MAP2K6: variants seen among roughly 807,000 people sequenced by gnomAD.
MAP2K6 encodes dual specificity mitogen-activated protein kinase kinase 6.
Under a neutral mutation model 53.7 loss-of-function variants are expected in MAP2K6, and 16 were observed. The ratio of observed to expected loss-of-function variants is 0.30; its 90% CI spans 0.20 to 0.45. MAP2K6 has a LOEUF of 0.45. Among genes scored for constraint, MAP2K6 ranks in the 20% least tolerant of loss-of-function variants. MAP2K6 has a pLI of 1.00. For synonymous variants in MAP2K6, 132 were observed against 143.1 expected (o/e 0.92, Z 0.55); for missense variants, 204 against 411.9 (o/e 0.50, Z 4.37).
rs1201197651 is a variant in MAP2K6 at position 69,551,761 on chromosome 17, AT to A, written c.*10015del. On this transcript the variant is annotated 3_prime_UTR_variant, in exon 12 of 12. Transcript: ENST00000590474. ...TAATAGGTATTTTTAGAGGAAAAGT[AT>A]TTTTTTGTGTAATTTGCTTACACAA... The A allele has an allele frequency of 6.6e-6, 1 of 152,180 alleles. No homozygotes were observed. The highest frequency in any genetic ancestry group is 1.5e-5 in the Non-Finnish European group (1 of 68,024). The allele number at this position is 152,180 out of a possible 1,614,324, so 9.4% of individuals were successfully genotyped here.
chr17:69,424,135 C>T (rs1052880037), intron 1 of MAP2K6, among the ~76,000 whole-genome samples: 4 of 152,166 alleles, frequency 2.6e-5, no homozygotes, highest in Non-Finnish European at 4.4e-5. Flanking sequence ...CCCCTAACCC[C>T]GGGTGGGCAA....
intron 4 of MAP2K6, 77 bp downstream of exon 4, chr17:69,517,690 T>A: frequency 1.1e-6 from 1 of 939,174 alleles, no homozygotes; most frequent in East Asian, 2.9e-5. Context: ...ACCAGCCCTT[T>A]TAATAGAAGC....
chr17:69,481,396 A>G (rs1045613182), intron 1 of MAP2K6, among the ~76,000 whole-genome samples: 11 of 152,100 alleles, frequency 7.2e-5, no homozygotes, highest in African/African-American at 2.7e-4. Flanking sequence ...TTGTGTATCT[A>G]TTTATCTGTC....
In MAP2K6 at chr17:69,546,213, GTTATTA is replaced by G. The variant is rs1258330993; in HGVS notation, c.*4464_*4469del. 1.3e-5 allele frequency: 2 copies of G among 151,974 alleles called. No individual in the cohort carries two copies. The highest frequency in any genetic ancestry group is 2.9e-5 in the Non-Finnish European group (2 of 67,988). 9.4% of individuals were successfully genotyped at this position (151,974 alleles called of 1,614,324 possible). A position where few individuals can be genotyped will look rare whatever the true frequency, so the allele number is the denominator to read the frequency against. On this transcript the variant is annotated 3_prime_UTR_variant, in exon 12 of 12. Transcript: ENST00000590474. ...TCCACATTATTTCACTCTTTGTTTT[GTTATTA>G]TTAGTATTCTTCTTGCTTGCCATTG...
At position 69,534,052 on chromosome 17, in the gene MAP2K6, G is replaced by A. The variant is rs113812097; in HGVS notation, c.882-2063G>A. 3.3e-3 allele frequency among the ~76,000 whole-genome samples: 508 copies of A among 152,182 alleles called. 2 individuals are homozygous for A. Among genetic ancestry groups the A allele is most frequent in the African/African-American group, 0.011 (477 of 41,524 alleles). ...TGGGCTAGAGTGTTCTTTGTTGTGC[G>A]GGATTGCCCAGTGCATTACAGGATG... is the stretch of plus-strand genomic sequence containing the variant. On this transcript the variant is annotated intron_variant, in intron 10 of 11. Coordinates refer to ENST00000590474, the MANE Select transcript of MAP2K6 (RefSeq NM_002758.4).
In MAP2K6 at chr17:69,508,112, C is replaced by A. The variant is rs556379778; in HGVS notation, c.83+2266C>A. 2.3e-3 allele frequency among the ~76,000 whole-genome samples: 265 copies of A among 116,566 alleles called. 1 individual carries two copies. The Middle Eastern group carries it at 0.029, about 13-fold the overall frequency. The allele number at this position is 116,566 out of a possible 152,430, so 76.5% of individuals were successfully genotyped here. On this transcript the variant is annotated intron_variant, in intron 2 of 11. Transcript: ENST00000590474. ...TGTTGCCCAGGCTGCAGTGCAATGG[C>A]GTGATCTCGGCTCACTGCAACCTCT...
chr17:69,516,096 T>G (rs1481845076), intron 2 of MAP2K6, among the ~76,000 whole-genome samples: 1 of 152,076 alleles, frequency 6.6e-6, no homozygotes, highest in African/African-American at 2.4e-5. Flanking sequence ...TTCGGGATGA[T>G]TCAAGCACAT....
At chr17:69,475,322 A>T (rs925628190) in intron 1 of MAP2K6, among the ~76,000 whole-genome samples, 1 of 146,304 alleles carries the variant, frequency 6.8e-6, no homozygotes, top group South Asian at 2.2e-4. Context: ...GCGCCCGCCA[A>T]CACGCCCGGC....
intron 1 of MAP2K6, 50 bp from the exon 2 acceptor site, chr17:69,505,730 A>G (rs564248334): frequency 7.6e-6 from 11 of 1,444,114 alleles, no homozygotes; most frequent in Non-Finnish European, 7.8e-6. Context: ...TTTCTCTGCT[A>G]TCTTGCTATG....
In MAP2K6 at chr17:69,544,732, A is replaced by G. The variant is rs911482952; in HGVS notation, c.*2979A>G. 6.6e-6 allele frequency: 1 copy of G among 152,230 alleles called. No homozygotes were observed. The highest frequency in any genetic ancestry group is 1.5e-5 in the Non-Finnish European group (1 of 68,034). 9.4% of individuals were successfully genotyped at this position (152,230 alleles called of 1,614,324 possible). ...TTGGTTTAAGAGGTGTGCCAAAAAA[A>G]GTAATATGCATAACTTTTAAGACTA... On this transcript the variant is annotated 3_prime_UTR_variant, in exon 12 of 12. Coordinates refer to ENST00000590474, the MANE Select transcript of MAP2K6 (RefSeq NM_002758.4).
chr17:69,468,694 C>T (rs1201871230), intron 1 of MAP2K6, among the ~76,000 whole-genome samples: 1 of 152,166 alleles, frequency 6.6e-6, no homozygotes. Context: ...GGAGAGAATA[C>T]AGTTATGGGT....
Position 69,552,510 on chromosome 17 carries a change from A to G in MAP2K6, c.*10757A>G, listed in dbSNP as rs919420622. 1.3e-5 allele frequency: 2 copies of G among 152,244 alleles called. No homozygotes were observed. Among genetic ancestry groups the G allele is most frequent in the Non-Finnish European group, 2.9e-5 (2 of 68,050 alleles). 9.4% of individuals were successfully genotyped at this position (152,244 alleles called of 1,614,324 possible). ...AATGAGGCAGGCTGAACTGTAGAGC[A>G]TGAAACTCATTAGAAGTTTATAAAG... is the stretch of plus-strand genomic sequence containing the variant. On this transcript the variant is annotated 3_prime_UTR_variant, in exon 12 of 12. Coordinates refer to ENST00000590474, the MANE Select transcript of MAP2K6 (RefSeq NM_002758.4).
intron 10 of MAP2K6, among the ~76,000 whole-genome samples, chr17:69,530,195 G>A (rs1598315230): frequency 6.6e-6 from 1 of 152,046 alleles, no homozygotes; most frequent in East Asian, 1.9e-4. Context: ...TGCACCTGGG[G>A]ACCCAGCTAC....
At chr17:69,505,704 C>G (rs545776943) in intron 1 of MAP2K6, 76 bp from the exon 2 acceptor site, 4 of 1,186,998 alleles carry the variant, frequency 3.4e-6, no homozygotes, top group Admixed American at 1.7e-5. Context: ...TCAGCTCTTT[C>G]CTTTGCCGCA....
Position 69,536,163 on chromosome 17 carries a change from G to A in MAP2K6, c.927+3G>A. 6.2e-7 allele frequency: 1 copy of A among 1,609,884 alleles called. No individual in the cohort carries two copies. Among genetic ancestry groups the A allele is most frequent in the Non-Finnish European group, 8.5e-7 (1 of 1,177,540 alleles). ...GGCCTACATACCCAGAGCTAATGGT[G>A]AGTATTGTTAGCAACGTAAACATGA... is the stretch of plus-strand genomic sequence containing the variant. On this transcript the variant is annotated splice_donor_region_variant and intron_variant, in intron 11 of 11. Transcript: ENST00000590474.
intron 2 of MAP2K6, among the ~76,000 whole-genome samples, chr17:69,509,244 G>A (rs1052873948): frequency 6.6e-6 from 1 of 152,002 alleles, no homozygotes; most frequent in African/African-American, 2.4e-5. Flanking sequence ...TGCAAACATG[G>A]TATATTTCTT....
chr17:69,463,886 G>A (rs909102247), intron 1 of MAP2K6, among the ~76,000 whole-genome samples: 1 of 151,108 alleles, frequency 6.6e-6, no homozygotes, highest in African/African-American at 2.4e-5. Context: ...AGGGATGGTG[G>A]CGTGTGCCTG....
intron 7 of MAP2K6, chr17:69,521,806 C>CAAAAAAAAAAAAAAAAAAAAAAA (rs71293537): frequency 1.3e-5 from 1 of 79,352 alleles, no homozygotes; most frequent in African/African-American, 4.7e-5. Flanking sequence ...GATAAATGTA[C>CAAAAAAAAAAAAAAAAAAAAAAA]AAAAAAAAAA....
chr17:69,418,116 G>A (rs142650796), intron 1 of MAP2K6, among the ~76,000 whole-genome samples: 1 of 152,060 alleles, frequency 6.6e-6, no homozygotes, highest in Non-Finnish European at 1.5e-5. Context: ...TGTACCAGAC[G>A]GACTTGTCAT....
Sources: allele counts gnomAD v4.1 joint callset (sites outside exome capture counted in the v4.1 genomes callset), GRCh38; gene constraint gnomAD v4.1.1; transcripts MANE v1.5; gene names NCBI Gene and HGNC (gene_info 2026-07-23, HGNC 2026-07-21).